Variants in TUSC3 observed in about 807,000 individuals in gnomAD.
The protein encoded by TUSC3 is dolichyl-diphosphooligosaccharide--protein glycosyltransferase subunit TUSC3.
TUSC3 carries 45 observed loss-of-function variants against 44.8 expected under a neutral mutation model. The ratio of observed to expected loss-of-function variants is 1.00; its 90% CI spans 0.79 to 1.29. TUSC3 has a LOEUF of 1.29. TUSC3 is among the 50% of genes most tolerant of loss of function. The pLI is 0.00. For synonymous variants in TUSC3, 212 were observed against 152.9 expected, an observed-to-expected ratio of 1.39 and a Z score of -2.85; for missense variants, 519 against 437.9, an observed-to-expected ratio of 1.19 and a Z score of -1.65.
chr8:15,569,583 A>T (rs893296141), intron 1 of TUSC3, among the ~76,000 whole-genome samples: 2 of 152,190 alleles, frequency 1.3e-5, no homozygotes, highest in Non-Finnish European at 2.9e-5. Context: ...GATTCAAACC[A>T]GGACATGTGG....
rs1259892510 is a variant in TUSC3 at position 15,623,153 on chromosome 8, A to G, written c.212A>G (p.Asp71Gly). The G allele has an allele frequency of 1.2e-6, 2 of 1,613,898 alleles. No homozygotes were observed. Among genetic ancestry groups the G allele is most frequent in the Non-Finnish European group, 1.7e-6 (2 of 1,179,906 alleles). ...CGCTCAATCTTCCGAATGAATGGTG[A>G]TAAATTCCGAAAATTTATAAAGGCA... ...SRRSIFRMNG[D>G]KFRKFIKAPP... is the part of the protein sequence containing the mutation. The change falls in exon 2 of 11, where the codon GAT becomes GGT. Residue 71 changes from aspartate to glycine, a missense_variant. Physicochemically the swap from Asp to Gly is moderately conservative, Grantham distance 94. Transcript: ENST00000503731.
the TUSC3 span, among the ~76,000 whole-genome samples, chr8:15,783,694 C>A: frequency 6.6e-6 from 1 of 152,080 alleles, no homozygotes; most frequent in Non-Finnish European, 1.5e-5. Context: ...GTATTTCATT[C>A]CTTATGCAAA....
intron 1 of TUSC3, among the ~76,000 whole-genome samples, chr8:15,438,464 C>A (rs552635578): frequency 3.9e-5 from 6 of 152,216 alleles, no homozygotes; most frequent in South Asian, 2.1e-4. Flanking sequence ...AGTCCTGGAA[C>A]CTTAATAATT....
At chr8:15,520,112 G>A (rs1801275739) in intron 2 of TUSC3, among the ~76,000 whole-genome samples, 1 of 151,990 alleles carries the variant, frequency 6.6e-6, no homozygotes, top group African/African-American at 2.4e-5. Context: ...ATCCTTTCCT[G>A]TTCTAATTCT....
intron 1 of TUSC3, among the ~76,000 whole-genome samples, chr8:15,478,472 G>T (rs944140244): frequency 3.3e-5 from 5 of 152,012 alleles, no homozygotes; most frequent in Non-Finnish European, 7.4e-5. Flanking sequence ...GTTCGCCTCT[G>T]TGTGTTCATG....
At chr8:15,701,223 C>T (rs752558005) in intron 6 of TUSC3, among the ~76,000 whole-genome samples, 1 of 151,974 alleles carries the variant, frequency 6.6e-6, no homozygotes, top group African/African-American at 2.4e-5. Flanking sequence ...CCTTTTTATT[C>T]CCCCACAAAA....
At chr8:15,479,208 A>G (rs1461847060) in intron 1 of TUSC3, among the ~76,000 whole-genome samples, 1 of 152,140 alleles carries the variant, frequency 6.6e-6, no homozygotes. Context: ...GGTAGATTGC[A>G]AAAATTTTCT....
the TUSC3 span, among the ~76,000 whole-genome samples, chr8:15,782,592 CATAAAT>C: frequency 6.6e-6 from 1 of 152,236 alleles, no homozygotes; most frequent in African/African-American, 2.4e-5. Context: ...TGCACAAATC[CATAAAT>C]ATAATTCACC....
At chr8:15,532,982 A>G (rs1801470558) in intron 2 of TUSC3, among the ~76,000 whole-genome samples, 1 of 152,008 alleles carries the variant, frequency 6.6e-6, no homozygotes, top group African/African-American at 2.4e-5. Flanking sequence ...TAGTAGAGAC[A>G]AGGTTTTGCC....
At chr8:15,798,469 G>A in the TUSC3 span, among the ~76,000 whole-genome samples, 1 of 152,064 alleles carries the variant, frequency 6.6e-6, no homozygotes, top group African/African-American at 2.4e-5. Flanking sequence ...CTAATCTTCT[G>A]TCTCCATAAA....
In TUSC3 at chr8:15,680,178, A is replaced by G. The variant is rs548392650; in HGVS notation, c.798+6342A>G. Among the ~76,000 whole-genome samples, 40 of 152,180 alleles carry G rather than the reference A, an allele frequency of 2.6e-4. No homozygotes were observed. The South Asian group carries it at 8.1e-3, about 31-fold the overall frequency. On this transcript the variant is annotated intron_variant, in intron 6 of 10. Transcript: ENST00000503731. ...GAACCCGTAGATTGCTTTGGGCAGA[A>G]TGGCGATTTTAATGATAGTGAGCCT... is the stretch of plus-strand genomic sequence containing the variant.
chr8:15,452,202 A>G (rs1435007310), intron 1 of TUSC3, among the ~76,000 whole-genome samples: 1 of 152,198 alleles, frequency 6.6e-6, no homozygotes, highest in Non-Finnish European at 1.5e-5. Flanking sequence ...TTTCACATTT[A>G]ATTTCTACAA....
At chr8:15,497,588 A>G (rs944625567) in intron 2 of TUSC3, among the ~76,000 whole-genome samples, 5 of 152,104 alleles carry the variant, frequency 3.3e-5, no homozygotes, top group Admixed American at 6.6e-5. Context: ...TCTGGAGGGA[A>G]TGAGAGGAGA....
intron 1 of TUSC3, among the ~76,000 whole-genome samples, chr8:15,574,587 C>T (rs1803017906): frequency 6.6e-6 from 1 of 152,064 alleles, no homozygotes; most frequent in South Asian, 2.1e-4. Flanking sequence ...CCTCTTCACC[C>T]CTTGAGAGTA....
the TUSC3 span, among the ~76,000 whole-genome samples, chr8:15,804,307 T>C: frequency 1.3e-5 from 2 of 152,234 alleles, no homozygotes; most frequent in South Asian, 2.1e-4. Flanking sequence ...GTTTATAGTT[T>C]GTTTTGCTGT....
intron 7 of TUSC3, among the ~76,000 whole-genome samples, chr8:15,739,759 G>T (rs559125086): frequency 6.6e-6 from 1 of 152,136 alleles, no homozygotes; most frequent in Admixed American, 6.5e-5. Context: ...CTGAAACTGG[G>T]CTAGCAATTA....
chr8:15,719,829 A>C (rs1447885789), intron 6 of TUSC3, among the ~76,000 whole-genome samples: 3 of 152,144 alleles, frequency 2.0e-5, no homozygotes, highest in Non-Finnish European at 4.4e-5. Context: ...CACAGAATTC[A>C]AGCCTCGCAG....
intron 1 of TUSC3, among the ~76,000 whole-genome samples, chr8:15,553,565 A>C (rs72496294): frequency 3.1e-3 from 306 of 99,190 alleles, no homozygotes; most frequent in South Asian, 8.5e-3. Context: ...GAGAGGTCAA[A>C]AGTGATAAAT....
intron 6 of TUSC3, among the ~76,000 whole-genome samples, chr8:15,713,478 T>G (rs1327991769): frequency 2.0e-5 from 3 of 152,184 alleles, no homozygotes; most frequent in African/African-American, 7.2e-5. Flanking sequence ...TTTTGTCAGT[T>G]GTAATAGATA....
Sources: gnomAD v4.1 joint callset for allele counts (sites outside exome capture counted in the v4.1 genomes callset) on GRCh38, gnomAD v4.1.1 for gene constraint, MANE v1.5 for transcripts, NCBI Gene and HGNC (gene_info 2026-07-23, HGNC 2026-07-21) for gene names.